The following NLRP13 variants were observed in gnomAD, a reference collection of about 807,000 sequenced individuals.
The protein encoded by NLRP13 is NACHT, LRR and PYD domains-containing protein 13.
NLRP13 carries 82 observed loss-of-function variants against 94.4 expected under a neutral mutation model. The ratio of observed to expected loss-of-function variants is 0.87; its 90% CI spans 0.73 to 1.04. NLRP13 has a LOEUF of 1.04. Among genes scored for constraint, NLRP13 ranks in the 50% least tolerant of loss-of-function variants. NLRP13 has a pLI of 0.00. For synonymous variants in NLRP13, 553 were observed against 464.7 expected, an observed-to-expected ratio of 1.19 and a Z score of -2.45; for missense variants, 1,426 against 1,230.8, an observed-to-expected ratio of 1.16 and a Z score of -2.37.
At chr19:55,907,756 A>T in intron 7 of NLRP13, 36 bp downstream of exon 7, 1 of 1,606,298 alleles carries the variant, frequency 6.2e-7, no homozygotes, top group South Asian at 1.1e-5. Context: ...TGGTCTTGCA[A>T]CCCCCCTTGA....
chr19:55,905,450 T>C (rs972158267), intron 7 of NLRP13, among the ~76,000 whole-genome samples: 3 of 150,128 alleles, frequency 2.0e-5, no homozygotes, highest in Non-Finnish European at 4.4e-5. Context: ...TATGTATATA[T>C]ATACATATAT....
chr19:55,899,591 C>T (rs1295409012), intron 9 of NLRP13, among the ~76,000 whole-genome samples: 1 of 152,036 alleles, frequency 6.6e-6, no homozygotes, highest in Non-Finnish European at 1.5e-5. Context: ...ACCAGCCTGC[C>T]CAACATGGTG....
At chr19:55,931,942 G>C (rs1395664140) in intron 1 of NLRP13, 51 bp downstream of exon 1, 1 of 1,553,622 alleles carries the variant, frequency 6.4e-7, no homozygotes, top group East Asian at 2.2e-5. Context: ...CTACCTCCTT[G>C]CCTCAGGAGT....
Position 55,904,976 on chromosome 19 carries a change from G to C in NLRP13, c.2584C>G (p.Leu862Val). Reference protein sequence around the residue: ...DDGIKLLCAALTHPKCALERL... With the variant: ...DDGIKLLCAAVTHPKCALERL... ...TCTAAGGCACACTTGGGGTGAGTCAGGGCCGCACACAATAGCTTTATGCCA... is the reference window on the plus strand; with the variant it reads ...TCTAAGGCACACTTGGGGTGAGTCACGGCCGCACACAATAGCTTTATGCCA... The change falls in exon 8 of 11, where the codon CTG (leucine) becomes GTG (valine). Residue 862 changes from leucine to valine, a missense_variant. By Grantham distance (32) the Leu-to-Val change is conservative (BLOSUM62 1). Coordinates refer to ENST00000342929, the MANE Select transcript of NLRP13 (RefSeq NM_176810.2). The C allele has an allele frequency of 1.9e-6, 3 of 1,614,050 alleles. No individual in the cohort carries two copies. The highest frequency in any genetic ancestry group is 1.7e-6 in the Non-Finnish European group (2 of 1,179,998).
chr19:55,920,107 T>A (rs11671782), intron 4 of NLRP13, among the ~76,000 whole-genome samples: 4 of 152,030 alleles, frequency 2.6e-5, no homozygotes, highest in Non-Finnish European at 4.4e-5. Flanking sequence ...TAAACGGTGC[T>A]GGGAAAACTG....
In NLRP13 at chr19:55,910,632, A is replaced by T. The variant is rs566252171; in HGVS notation, c.2213T>A (p.Leu738His). 3.7e-6 allele frequency: 6 copies of T among 1,613,820 alleles called. No homozygotes were observed. The East Asian group carries it at 1.3e-4, about 36-fold the overall frequency. Residue 738 changes from leucine (L) to histidine (H), a missense_variant, in exon 6 of 11, where the codon CTT (leucine) becomes CAT (histidine). Transcript: ENST00000342929. ...LHELDLSNSK[L>H]HASSVKGLCL... ...GAGACCCTTCACAGAGGAAGCATGAAGTTTGCTGTTACTCAGGTCTAGCTC... is the reference window on the plus strand; with the variant it reads ...GAGACCCTTCACAGAGGAAGCATGATGTTTGCTGTTACTCAGGTCTAGCTC...
chr19:55,927,398 A>G (rs929524604), intron 1 of NLRP13, among the ~76,000 whole-genome samples: 3 of 151,284 alleles, frequency 2.0e-5, no homozygotes, highest in African/African-American at 4.9e-5. Flanking sequence ...AGTGAAAACT[A>G]TATGACACAT....
rs747953184 is a variant in NLRP13, at chr19:55,913,082, T to G, written c.735A>C (p.Ala245=). 6.2e-7 allele frequency: 1 copy of G among 1,614,148 alleles called. No individual in the cohort carries two copies. Among genetic ancestry groups the G allele is most frequent in the Non-Finnish European group, 8.5e-7 (1 of 1,180,010 alleles). Residue 245 remains alanine, a synonymous_variant, in exon 5 of 11, where the codon GCA becomes GCC. Coordinates refer to ENST00000342929, the MANE Select transcript of NLRP13 (RefSeq NM_176810.2). ...GRAGVGKTTL[A]MQAMLHWANG... ...TTGCCCAGTGCAGCATAGCCTGCATTGCCAAGGTGGTCTTCCCAACCCCTG... is the reference window on the plus strand; with the variant it reads ...TTGCCCAGTGCAGCATAGCCTGCATGGCCAAGGTGGTCTTCCCAACCCCTG...
chr19:55,923,609 G>C (rs1395878462), intron 4 of NLRP13, among the ~76,000 whole-genome samples: 1 of 152,172 alleles, frequency 6.6e-6, no homozygotes, highest in Non-Finnish European at 1.5e-5. Context: ...TGTCAGGGCA[G>C]CAGCTGCTGA....
At chr19:55,910,306 A>G (rs1986467089) in intron 6 of NLRP13, among the ~76,000 whole-genome samples, 1 of 152,180 alleles carries the variant, frequency 6.6e-6, no homozygotes, top group Non-Finnish European at 1.5e-5. Context: ...TCCAGCTCAA[A>G]ACAGGACTGA....
intron 1 of NLRP13, among the ~76,000 whole-genome samples, chr19:55,927,021 C>A (rs1478555174): frequency 1.3e-5 from 2 of 151,686 alleles, no homozygotes; most frequent in Non-Finnish European, 1.5e-5. Context: ...AAACTTTACA[C>A]CTTATACAGG....
At chr19:55,904,904 T>C (rs774605316) in intron 8 of NLRP13, 38 bp downstream of exon 8, 2 of 1,568,688 alleles carry the variant, frequency 1.3e-6, no homozygotes, top group South Asian at 2.2e-5. Context: ...TCTGTGCCCA[T>C]AGAGTCATAT....
chr19:55,907,683 T>C (rs761973040), intron 7 of NLRP13, 109 bp downstream of exon 7: 35 of 1,024,452 alleles, frequency 3.4e-5, no homozygotes, highest in Non-Finnish European at 4.8e-5. Context: ...CATCCTTCTC[T>C]GTCTCCTTTT....
chr19:55,898,420 G>C (rs1032786545), intron 10 of NLRP13, among the ~76,000 whole-genome samples: 1 of 152,098 alleles, frequency 6.6e-6, no homozygotes, highest in African/African-American at 2.4e-5. Context: ...ATGTTGGCCA[G>C]GCTTGTCTTG....
At chr19:55,926,407 C>A (rs749118181) in intron 1 of NLRP13, among the ~76,000 whole-genome samples, 1 of 152,184 alleles carries the variant, frequency 6.6e-6, no homozygotes. Context: ...GAAGGAATAG[C>A]GAAGAGCGGG....
chr19:55,930,019 G>A (rs34671663), intron 1 of NLRP13, among the ~76,000 whole-genome samples: 28,036 of 152,002 alleles, frequency 0.18, 2,815 homozygotes, highest in African/African-American at 0.26. Flanking sequence ...AGGGAAAAAG[G>A]GTGGAGTGGT....
Position 55,924,573 on chromosome 19 carries a change from C to G in NLRP13, c.457+17G>C. 1 of 1,597,768 alleles carries G rather than the reference C, an allele frequency of 6.3e-7. No homozygotes were observed. Among genetic ancestry groups the G allele is most frequent in the Non-Finnish European group, 8.6e-7 (1 of 1,165,620 alleles). ...CATCAAGCAACCTGTCAATTATCAA[C>G]CAAGTAATGTACACACCTGTTTCTT... On this transcript the variant is annotated intron_variant, in intron 3 of 10. Coordinates refer to ENST00000342929, the MANE Select transcript of NLRP13 (RefSeq NM_176810.2).
chr19:55,911,521 T>C (rs1367495179), intron 5 of NLRP13, among the ~76,000 whole-genome samples, 185 bp downstream of exon 5: 2 of 152,198 alleles, frequency 1.3e-5, no homozygotes, highest in Admixed American at 6.5e-5. Context: ...TCAATTAGAT[T>C]AGCTAGGAAA....
At chr19:55,899,034 A>G (rs1390821899) in intron 9 of NLRP13, 97 bp from the exon 10 acceptor site, 1 of 1,313,186 alleles carries the variant, frequency 7.6e-7, no homozygotes, top group African/African-American at 1.5e-5. Context: ...GAAAGGAGAC[A>G]CCCTGAAGCC....
Sources: gnomAD v4.1 joint callset for allele counts (sites outside exome capture counted in the v4.1 genomes callset) on GRCh38, gnomAD v4.1.1 for gene constraint, MANE v1.5 for transcripts, NCBI Gene and HGNC (gene_info 2026-07-23, HGNC 2026-07-21) for gene names.